The following PLXNA4 variants were observed in gnomAD, a reference collection of about 807,000 sequenced individuals.
The protein encoded by PLXNA4 is plexin-A4.
PLXNA4 carries 44 observed loss-of-function variants against 191.8 expected under a neutral mutation model. The observed-to-expected ratio is 0.23, with a 90% CI of 0.18 to 0.29. The LOEUF (loss-of-function observed/expected upper bound fraction) is 0.29. Ranked by LOEUF, PLXNA4 falls within the 10% of genes least tolerant of loss-of-function variation. The probability of loss-of-function intolerance (pLI) is 1.00; values close to 1 mark genes in which losing one functional copy is unlikely to be tolerated. For synonymous variants in PLXNA4, 1,082 were observed against 1,009.5 expected (o/e 1.07, Z -1.36); for missense variants, 1,800 against 2,488.8 (o/e 0.72, Z 5.89).
chr7:132,224,945 G>GT (rs1259507287), intron 8 of PLXNA4, among the ~76,000 whole-genome samples: 1 of 152,194 alleles, frequency 6.6e-6, no homozygotes, highest in African/African-American at 2.4e-5. Flanking sequence ...AACAAGCAGG[G>GT]TTTTTTGAGG....
intron 2 of PLXNA4, among the ~76,000 whole-genome samples, chr7:132,638,761 AT>A (rs1339379619): frequency 5.9e-5 from 9 of 151,900 alleles, no homozygotes; most frequent in African/African-American, 1.9e-4. Flanking sequence ...TGAAATAAAA[AT>A]ATATATATAT....
At chr7:132,300,362 C>A (rs1387859042) in intron 3 of PLXNA4, among the ~76,000 whole-genome samples, 1 of 152,178 alleles carries the variant, frequency 6.6e-6, no homozygotes, top group Non-Finnish European at 1.5e-5. Context: ...CTAGTCTGTA[C>A]AATTCCTGAG....
At chr7:132,323,949 C>T (rs1802269382) in intron 3 of PLXNA4, among the ~76,000 whole-genome samples, 1 of 152,076 alleles carries the variant, frequency 6.6e-6, no homozygotes, top group South Asian at 2.1e-4. Flanking sequence ...AATTTGGCTA[C>T]AAATCATCAC....
chr7:132,163,282 C>T (rs1320816603), intron 24 of PLXNA4, among the ~76,000 whole-genome samples: 1 of 152,180 alleles, frequency 6.6e-6, no homozygotes, highest in African/African-American at 2.4e-5. Flanking sequence ...GAGAGGCAAG[C>T]GGGGCCTGCG....
chr7:132,213,037 A>G (rs1797853077), intron 9 of PLXNA4, among the ~76,000 whole-genome samples: 1 of 152,238 alleles, frequency 6.6e-6, no homozygotes, highest in Non-Finnish European at 1.5e-5. Context: ...GGTAAACAAA[A>G]TGTGGCCTAT....
chr7:132,489,493 G>GA lies in PLXNA4; in HGVS notation c.1189-20dup. 1.3e-6 allele frequency: 2 copies of GA among 1,525,758 alleles called. No individual in the cohort carries two copies. The highest frequency in any genetic ancestry group is 1.8e-6 in the Non-Finnish European group (2 of 1,118,706). The allele number at this position is 1,525,758 out of a possible 1,614,324, so 94.5% of individuals were successfully genotyped here. Reference sequence around the variant, plus strand: ...TTAAGAGCTGCAAATTTTAAAAAGAGAAAAATTAGAAGGGAGCGTCAAGGA... The same window carrying GA: ...TTAAGAGCTGCAAATTTTAAAAAGAGAAAAAATTAGAAGGGAGCGTCAAGGA... On this transcript the variant is annotated intron_variant, in intron 2 of 31. Transcript: ENST00000321063.
At chr7:132,482,138 C>T (rs1797362269) in intron 3 of PLXNA4, among the ~76,000 whole-genome samples, 1 of 152,186 alleles carries the variant, frequency 6.6e-6, no homozygotes, top group Non-Finnish European at 1.5e-5. Context: ...CCAGTGATCC[C>T]CACCTCTGGG....
At position 132,243,815 on chromosome 7, in the gene PLXNA4, C is replaced by T. The variant is rs567520550; in HGVS notation, c.1504-2649G>A. Reference sequence around the variant, plus strand: ...CCAATCCTCCTTGTACTGTCACTTACCTCTCCCCGACATCCCAGAAAACTC... The same window carrying T: ...CCAATCCTCCTTGTACTGTCACTTATCTCTCCCCGACATCCCAGAAAACTC... On this transcript the variant is annotated intron_variant, in intron 4 of 31. Transcript: ENST00000321063. 2.0e-5 allele frequency among the ~76,000 whole-genome samples: 3 copies of T among 152,210 alleles called. No individual in the cohort carries two copies. The East Asian group carries it at 5.8e-4, about 30-fold the overall frequency.
intron 2 of PLXNA4, among the ~76,000 whole-genome samples, chr7:132,633,410 G>A (rs1394081865): frequency 6.6e-6 from 1 of 151,962 alleles, no homozygotes; most frequent in Non-Finnish European, 1.5e-5. Flanking sequence ...AGCCTTCTGA[G>A]TAGCTGGGAT....
At chr7:132,179,510 C>T (rs1796630639) in intron 20 of PLXNA4, among the ~76,000 whole-genome samples, 177 bp downstream of exon 20, 1 of 151,030 alleles carries the variant, frequency 6.6e-6, no homozygotes, top group Non-Finnish European at 1.5e-5. Flanking sequence ...CACACACACA[C>T]ATGCACACAC....
chr7:132,223,516 C>T lies in PLXNA4; in HGVS notation c.2097+11G>A. 1 of 1,607,794 alleles carries T rather than the reference C, an allele frequency of 6.2e-7. No individual in the cohort carries two copies. The highest frequency in any genetic ancestry group is 8.5e-7 in the Non-Finnish European group (1 of 1,176,368). On this transcript the variant is annotated intron_variant, in intron 9 of 31. Transcript: ENST00000321063. ...AAGAGACACTCACCACTCTGGCTGC[C>T]AGGGACCTACCTCGGGCAGCTTCAC...
At chr7:132,619,507 A>G (rs991074928) in intron 2 of PLXNA4, among the ~76,000 whole-genome samples, 1 of 152,270 alleles carries the variant, frequency 6.6e-6, no homozygotes, top group Non-Finnish European at 1.5e-5. Context: ...CAAAGGAAAC[A>G]TCTATGGAAG....
At chr7:132,416,052 C>T (rs1027429855) in intron 3 of PLXNA4, among the ~76,000 whole-genome samples, 7 of 152,150 alleles carry the variant, frequency 4.6e-5, no homozygotes, top group African/African-American at 1.4e-4. Flanking sequence ...TCATACTAGC[C>T]ACATTTCAAG....
chr7:132,512,317 T>C (rs76504682), intron 1 of PLXNA4, among the ~76,000 whole-genome samples: 2,133 of 152,316 alleles, frequency 0.014, 50 homozygotes, highest in African/African-American at 0.048. Context: ...AGCAGCTCTC[T>C]AGTCTGCAAG....
At chr7:132,204,613 G>A (rs1797551628) in intron 10 of PLXNA4, among the ~76,000 whole-genome samples, 1 of 152,118 alleles carries the variant, frequency 6.6e-6, no homozygotes, top group African/African-American at 2.4e-5. Flanking sequence ...GGATGTTGAT[G>A]GATATCACAG....
chr7:132,529,918 T>C (rs1343142930), intron 1 of PLXNA4, among the ~76,000 whole-genome samples: 2 of 152,162 alleles, frequency 1.3e-5, no homozygotes, highest in Admixed American at 1.3e-4. Flanking sequence ...CTAATGGATA[T>C]TCTTATATGC....
chr7:132,151,328 A>AGAAGAAGGAGGAGGAG (rs1795604972), intron 25 of PLXNA4, among the ~76,000 whole-genome samples: 1 of 31,392 alleles, frequency 3.2e-5, no homozygotes, highest in African/African-American at 9.2e-5. Context: ...AGGAGGAGGA[A>AGAAGAAGGAGGAGGAG]GAAGAAGGAG....
intron 3 of PLXNA4, among the ~76,000 whole-genome samples, chr7:132,467,781 T>C (rs1796766955): frequency 6.6e-6 from 1 of 152,176 alleles, no homozygotes; most frequent in African/African-American, 2.4e-5. Flanking sequence ...TCAAATAACC[T>C]CATTATTCAG....
chr7:132,371,667 T>C (rs1053070587), intron 3 of PLXNA4, among the ~76,000 whole-genome samples: 3 of 152,108 alleles, frequency 2.0e-5, no homozygotes, highest in African/African-American at 7.2e-5. Flanking sequence ...ACGGAGACAG[T>C]GGCCAAAGAT....
Sources: gnomAD v4.1 joint callset for allele counts (sites outside exome capture counted in the v4.1 genomes callset) on GRCh38, gnomAD v4.1.1 for gene constraint, MANE v1.5 for transcripts, NCBI Gene and HGNC (gene_info 2026-07-23, HGNC 2026-07-21) for gene names.